Variants in TIMP2 observed in about 807,000 individuals in gnomAD.
TIMP2 encodes metalloproteinase inhibitor 2.
TIMP2 carries 5 observed loss-of-function variants against 24.3 expected under a neutral mutation model. That is an observed-to-expected ratio of 0.21 (90% confidence interval 0.11 to 0.43). TIMP2 has a LOEUF of 0.43. TIMP2 is among the 20% of genes least tolerant of loss of function. The pLI is 1.00. For missense variants in TIMP2, 221 were observed against 297.5 expected (o/e 0.74, Z 1.89); for synonymous variants, 130 against 123.2 (o/e 1.06, Z -0.37).
chr17:78,919,565 T>C (rs1264752848), intron 1 of TIMP2, among the ~76,000 whole-genome samples: 1 of 152,164 alleles, frequency 6.6e-6, no homozygotes, highest in East Asian at 1.9e-4. Context: ...CTGGGTGCGG[T>C]GGCTCAAGCC....
At position 78,878,999 on chromosome 17, in the gene TIMP2, G is replaced by C. The variant is rs572479936; in HGVS notation, c.131-5080C>G. Reference sequence around the variant, plus strand: ...GCACGCCGCAGACATGAAGGAGAGGGGCCAGCTGACAGCTCTGATCGGTGC... The same window carrying C: ...GCACGCCGCAGACATGAAGGAGAGGCGCCAGCTGACAGCTCTGATCGGTGC... On this transcript the variant is annotated intron_variant, in intron 1 of 4. Transcript: ENST00000262768. Among the ~76,000 whole-genome samples the C allele has an allele frequency of 3.9e-5, 6 of 152,310 alleles. No individual in the cohort carries two copies. The East Asian group carries it at 9.6e-4, about 24-fold the overall frequency.
In TIMP2 at chr17:78,884,344, C is replaced by T. The variant is rs966496016; in HGVS notation, c.131-10425G>A. 5.9e-5 allele frequency among the ~76,000 whole-genome samples: 9 copies of T among 152,154 alleles called. No individual in the cohort carries two copies. The East Asian group carries it at 1.7e-3, about 29-fold the overall frequency. ...TCCCAAGCCGATCCATTTTTGGGGA[C>T]GAACGTGAGGTCCGGGCCCAGGCTT... On this transcript the variant is annotated intron_variant, in intron 1 of 4. Coordinates refer to ENST00000262768, the MANE Select transcript of TIMP2 (RefSeq NM_003255.5).
At chr17:78,859,400 C>G (rs1386982272) in intron 3 of TIMP2, among the ~76,000 whole-genome samples, 1 of 152,218 alleles carries the variant, frequency 6.6e-6, no homozygotes, top group Non-Finnish European at 1.5e-5. Context: ...TGGCTCATGC[C>G]TGTAATCCTA....
chr17:78,909,707 G>A (rs1163075510), intron 1 of TIMP2, among the ~76,000 whole-genome samples: 1 of 152,148 alleles, frequency 6.6e-6, no homozygotes, highest in African/African-American at 2.4e-5. Flanking sequence ...TCGGGTTTCT[G>A]TACATGCTCT....
chr17:78,917,251 C>CAAAAAAAAAAAAAAA (rs10592875), intron 1 of TIMP2, among the ~76,000 whole-genome samples: 10 of 77,452 alleles, frequency 1.3e-4, no homozygotes, highest in Admixed American at 1.7e-4. Flanking sequence ...GACTCCGTCT[C>CAAAAAAAAAAAAAAA]AAAAAAAAAA....
intron 1 of TIMP2, among the ~76,000 whole-genome samples, chr17:78,877,574 A>T (rs954049292): frequency 1.3e-5 from 2 of 152,080 alleles, no homozygotes; most frequent in African/African-American, 4.8e-5. Flanking sequence ...AAAGAAAAGG[A>T]AAAAAAGCAA....
chr17:78,867,651 A>C (rs2069629607), intron 3 of TIMP2, among the ~76,000 whole-genome samples: 1 of 143,256 alleles, frequency 7.0e-6, no homozygotes, highest in South Asian at 2.2e-4. Flanking sequence ...ACTGGAGTGC[A>C]GTGGCACGAT....
Position 78,893,471 on chromosome 17 carries a change from A to G in TIMP2, c.131-19552T>C, listed in dbSNP as rs1327415993. On this transcript the variant is annotated intron_variant, in intron 1 of 4. Coordinates refer to ENST00000262768, the MANE Select transcript of TIMP2 (RefSeq NM_003255.5). ...GCTGTGTGTGCAGGGGTGTGTGTGCATAGCGGTGTGTGTGCAGGGGTGTGT... is the reference window on the plus strand; with the variant it reads ...GCTGTGTGTGCAGGGGTGTGTGTGCGTAGCGGTGTGTGTGCAGGGGTGTGT... Among the ~76,000 whole-genome samples the G allele has an allele frequency of 2.6e-3, 279 of 108,194 alleles. 3 individuals are homozygous for G. Among genetic ancestry groups the G allele is most frequent in the African/African-American group, 9.7e-3 (262 of 27,148 alleles). The allele number at this position is 108,194 out of a possible 152,430, so 71.0% of individuals were successfully genotyped here.
chr17:78,893,991 C>T (rs959429936), intron 1 of TIMP2, among the ~76,000 whole-genome samples: 1 of 152,162 alleles, frequency 6.6e-6, no homozygotes, highest in Non-Finnish European at 1.5e-5. Context: ...TGCTCCTTCC[C>T]TTCTTTCATC....
At chr17:78,889,872 C>A (rs952070932) in intron 1 of TIMP2, among the ~76,000 whole-genome samples, 1 of 152,232 alleles carries the variant, frequency 6.6e-6, no homozygotes, top group Non-Finnish European at 1.5e-5. Flanking sequence ...GTAATCCCAG[C>A]ACTTTGGGAG....
intron 1 of TIMP2, among the ~76,000 whole-genome samples, chr17:78,890,387 A>T (rs1477365905): frequency 1.3e-5 from 2 of 152,072 alleles, no homozygotes; most frequent in Non-Finnish European, 2.9e-5. Flanking sequence ...TTTTTAGTAA[A>T]AACGGGGTTT....
At chr17:78,884,349 G>GT (rs963327785) in intron 1 of TIMP2, among the ~76,000 whole-genome samples, 1 of 152,224 alleles carries the variant, frequency 6.6e-6, no homozygotes, top group African/African-American at 2.4e-5. Context: ...GGGGACGAAC[G>GT]TGAGGTCCGG....
chr17:78,913,365 G>C (rs780605296), intron 1 of TIMP2, among the ~76,000 whole-genome samples: 9 of 152,182 alleles, frequency 5.9e-5, no homozygotes, highest in Non-Finnish European at 1.0e-4. Context: ...CCGCTGAACT[G>C]TGCACTTTAG....
intron 3 of TIMP2, among the ~76,000 whole-genome samples, chr17:78,859,966 T>G (rs2069554944): frequency 2.6e-5 from 4 of 151,822 alleles, no homozygotes; most frequent in Admixed American, 2.6e-4. Flanking sequence ...CATTCCAGCC[T>G]CAGTGACAAG....
intron 3 of TIMP2, among the ~76,000 whole-genome samples, chr17:78,870,635 C>T (rs902759361): frequency 4.6e-5 from 7 of 152,118 alleles, no homozygotes; most frequent in Admixed American, 2.6e-4. Context: ...ATCCCGCACT[C>T]GCCTCCCTTT....
chr17:78,895,921 C>T (rs937519913), intron 1 of TIMP2, among the ~76,000 whole-genome samples: 2 of 152,248 alleles, frequency 1.3e-5, no homozygotes, highest in African/African-American at 4.8e-5. Context: ...CAAGTCTTCC[C>T]TGCTCTGGAA....
At chr17:78,862,694 A>G (rs945232157) in intron 3 of TIMP2, among the ~76,000 whole-genome samples, 8 of 152,262 alleles carry the variant, frequency 5.3e-5, no homozygotes, top group African/African-American at 1.4e-4. Flanking sequence ...GAATTTTTTC[A>G]GCCCTTATCC....
intron 1 of TIMP2, among the ~76,000 whole-genome samples, chr17:78,911,758 A>C (rs1008953968): frequency 6.6e-6 from 1 of 151,998 alleles, no homozygotes; most frequent in Admixed American, 6.5e-5. Context: ...TCAAAAATTT[A>C]ATCTTGGCAG....
chr17:78,891,441 GCTTT>G lies in TIMP2; in HGVS notation c.131-17526_131-17523del, dbSNP rs2069892647. 1.3e-6 allele frequency: 2 copies of G among 1,550,802 alleles called. No individual in the cohort carries two copies. The highest frequency in any genetic ancestry group is 2.4e-5 in the East Asian group (1 of 40,930). ...AGGTACAAGCACAGGTGTTTTTTCA[GCTTT>G]CTGTTTATATTAAACAACTCTTCAA... is the stretch of plus-strand genomic sequence containing the variant. On this transcript the variant is annotated intron_variant, in intron 1 of 4. Coordinates refer to ENST00000262768, the MANE Select transcript of TIMP2 (RefSeq NM_003255.5). This position sits in a 1 kb window ranked among gnomAD's most constrained non-coding sequence, Gnocchi z 4.5.
Sources: gnomAD v4.1 joint callset for allele counts (sites outside exome capture counted in the v4.1 genomes callset) on GRCh38, gnomAD v4.1.1 for gene constraint, Gnocchi (gnomAD v3.1) non-coding constraint, MANE v1.5 for transcripts, NCBI Gene and HGNC (gene_info 2026-07-23, HGNC 2026-07-21) for gene names.